PI15: variants seen among roughly 807,000 people sequenced by gnomAD.
The protein encoded by PI15 is peptidase inhibitor 15, also known as 25 kDa trypsin inhibitor.
A neutral mutation model predicts 31.0 loss-of-function variants in PI15; 18 were observed. That is an observed-to-expected ratio of 0.58 (90% CI 0.40 to 0.86). The LOEUF (loss-of-function observed/expected upper bound fraction) is 0.86, where lower values mean the gene tolerates loss of function less well. Among genes scored for constraint, PI15 ranks in the 40% least tolerant of loss-of-function variants. The pLI is 0.00. For synonymous variants in PI15, 118 were observed against 119.1 expected, an observed-to-expected ratio of 0.99 and a Z score of 0.06; for missense variants, 282 against 328.1, an observed-to-expected ratio of 0.86 and a Z score of 1.09.
intron 2 of PI15, among the ~76,000 whole-genome samples, chr8:74,839,352 T>C (rs773940494): frequency 6.6e-6 from 1 of 152,102 alleles, no homozygotes; most frequent in Non-Finnish European, 1.5e-5. Flanking sequence ...TGGCTCTTAA[T>C]AAAAAAGAAT....
intron 2 of PI15, among the ~76,000 whole-genome samples, chr8:74,840,404 C>G (rs1385764222): frequency 6.6e-6 from 1 of 152,114 alleles, no homozygotes; most frequent in Non-Finnish European, 1.5e-5. Context: ...TAAATAAAGT[C>G]ATCATTGCTT....
At position 74,849,780 on chromosome 8, in the gene PI15, T is replaced by G. The variant is rs1292943166; in HGVS notation, c.*527T>G. On this transcript the variant is annotated 3_prime_UTR_variant, in exon 6 of 6. Transcript: ENST00000260113. ...ACACATTTCTATAATACCCATGAAATGATAATTTGTAAAATAACACTTAGT... is the reference window on the plus strand; with the variant it reads ...ACACATTTCTATAATACCCATGAAAGGATAATTTGTAAAATAACACTTAGT... The G allele has an allele frequency of 2.0e-5, 3 of 152,178 alleles. No individual in the cohort carries two copies. Among genetic ancestry groups the G allele is most frequent in the Admixed American group, 6.6e-5 (1 of 15,264 alleles). The allele number at this position is 152,178 out of a possible 1,614,324, so 9.4% of individuals were successfully genotyped here.
At chr8:74,833,869 G>A (rs1271135690) in intron 2 of PI15, among the ~76,000 whole-genome samples, 1 of 152,222 alleles carries the variant, frequency 6.6e-6, no homozygotes, top group Non-Finnish European at 1.5e-5. Context: ...CCAGGCTGCA[G>A]ACCAGTGCCC....
intron 3 of PI15, 112 bp downstream of exon 3, chr8:74,844,211 C>T (rs189359780): frequency 9.8e-6 from 7 of 716,632 alleles, no homozygotes; most frequent in East Asian, 2.5e-5. Context: ...ATTGAATGCT[C>T]ACTATGTGTC....
intron 2 of PI15, among the ~76,000 whole-genome samples, chr8:74,829,606 T>C (rs1327564119): frequency 1.3e-5 from 2 of 151,996 alleles, no homozygotes; most frequent in Non-Finnish European, 2.9e-5. Context: ...GAGAAAGAGA[T>C]CCAAAGAAAA....
chr8:74,838,776 C>T (rs1227862595), intron 2 of PI15, among the ~76,000 whole-genome samples: 1 of 152,152 alleles, frequency 6.6e-6, no homozygotes, highest in Admixed American at 6.6e-5. Flanking sequence ...TCAATTCAAT[C>T]AAGTTTAGGA....
chr8:74,834,817 CA>C (rs1484277038), intron 2 of PI15, among the ~76,000 whole-genome samples: 1 of 152,132 alleles, frequency 6.6e-6, no homozygotes, highest in African/African-American at 2.4e-5. Context: ...AATTACTCTC[CA>C]ATTGCTCTAC....
At chr8:74,845,334 T>C (rs758826542) in intron 4 of PI15, 48 bp from the exon 5 acceptor site, 16 of 1,583,834 alleles carry the variant, frequency 1.0e-5, no homozygotes, top group African/African-American at 1.3e-5. Flanking sequence ...TGGACATGCA[T>C]TGTCTTAGCT....
chr8:74,849,028 C>T, intron 5 of PI15, 90 bp from the exon 6 acceptor site: 1 of 1,079,402 alleles, frequency 9.3e-7, no homozygotes, highest in Non-Finnish European at 1.4e-6. Context: ...CATCACATGT[C>T]AATACTTGTG....
At chr8:74,847,433 G>A (rs1420782529) in intron 5 of PI15, among the ~76,000 whole-genome samples, 3 of 140,680 alleles carry the variant, frequency 2.1e-5, no homozygotes, top group African/African-American at 5.4e-5. Context: ...CAACAAGAGC[G>A]AAACTCTGTC....
chr8:74,849,138 C>T lies in PI15; in HGVS notation c.662C>T (p.Ala221Val). The T allele has an allele frequency of 6.2e-7, 1 of 1,612,762 alleles. No individual in the cohort carries two copies. ...YAPKGNWIGEAPYKVGVPCSS... is the reference protein window; with the variant it reads ...YAPKGNWIGEVPYKVGVPCSS... ...TCTAGGGGCAATTGGATTGGAGAAG[C>T]ACCATATAAAGTAGGGGTACCATGT... Residue 221 changes from alanine to valine, a missense_variant, in exon 6 of 6, where the codon GCA (alanine) becomes GTA (valine). Physicochemically the swap from Ala to Val is moderately conservative, Grantham distance 64. Coordinates refer to ENST00000260113, the MANE Select transcript of PI15 (RefSeq NM_015886.5).
In PI15 at chr8:74,853,434, C is replaced by T. The variant is rs967227786; in HGVS notation, c.*4181C>T. On this transcript the variant is annotated 3_prime_UTR_variant, in exon 6 of 6. Transcript: ENST00000260113. ...AGTTAACTCTGTTGTTTTAATTCAA[C>T]AGTCCAACATTATTTAGGTGTTACA... The T allele has an allele frequency of 6.6e-6, 1 of 152,542 alleles. No individual in the cohort carries two copies. Among genetic ancestry groups the T allele is most frequent in the Admixed American group, 6.5e-5 (1 of 15,272 alleles). 9.4% of individuals were successfully genotyped at this position (152,542 alleles called of 1,614,324 possible).
At chr8:74,833,531 A>T (rs756600745) in intron 2 of PI15, among the ~76,000 whole-genome samples, 3 of 152,038 alleles carry the variant, frequency 2.0e-5, no homozygotes, top group Non-Finnish European at 4.4e-5. Context: ...CGGCTGCCAG[A>T]TAATGTGATC....
At position 74,825,501 on chromosome 8, in the gene PI15, G is replaced by A. The variant is rs554075984; in HGVS notation, c.252G>A (p.Pro84=). 13 of 1,612,182 alleles carry A rather than the reference G, an allele frequency of 8.1e-6. No individual in the cohort carries two copies. The highest frequency in any genetic ancestry group is 2.2e-5 in the South Asian group (2 of 91,004). The part of the protein sequence containing the change: ...HNQVRGKVFP[P]AANMEYMVWD... Reference sequence around the variant, plus strand: ...AAGTTCGGGGCAAAGTGTTCCCACCGGCAGCAAATATGGAATATATGGTAA... The same window carrying A: ...AAGTTCGGGGCAAAGTGTTCCCACCAGCAGCAAATATGGAATATATGGTAA... The change falls in exon 2 of 6, where the codon CCG becomes CCA. Residue 84 remains proline (P), a synonymous_variant. Coordinates refer to ENST00000260113, the MANE Select transcript of PI15 (RefSeq NM_015886.5).
At chr8:74,845,291 T>C in intron 4 of PI15, 31 bp downstream of exon 4, 7 of 1,607,758 alleles carry the variant, frequency 4.4e-6, no homozygotes, top group Non-Finnish European at 5.1e-6. Flanking sequence ...AATTTTTGAT[T>C]CATACTTTTA....
chr8:74,848,061 T>C (rs942421230), intron 5 of PI15, among the ~76,000 whole-genome samples: 1 of 152,212 alleles, frequency 6.6e-6, no homozygotes, highest in Admixed American at 6.5e-5. Context: ...TCATGGCAGT[T>C]TTTAACTCTG....
intron 2 of PI15, among the ~76,000 whole-genome samples, chr8:74,840,854 G>T (rs914640657): frequency 3.3e-5 from 5 of 152,084 alleles, no homozygotes; most frequent in African/African-American, 1.2e-4. Context: ...CTCCTTCCCT[G>T]TAACTACCTT....
At position 74,850,432 on chromosome 8, in the gene PI15, G is replaced by T. The variant is rs1168823793; in HGVS notation, c.*1179G>T. The T allele has an allele frequency of 2.6e-5, 4 of 152,138 alleles. No homozygotes were observed. The highest frequency in any genetic ancestry group is 9.7e-5 in the African/African-American group (4 of 41,430). The allele number at this position is 152,138 out of a possible 1,614,324, so 9.4% of individuals were successfully genotyped here. On this transcript the variant is annotated 3_prime_UTR_variant, in exon 6 of 6. Transcript: ENST00000260113. The stretch of plus-strand genomic sequence containing the variant: ...ATCCTTAGAGTCTAGTACATCTTGA[G>T]GCCTCTCAGCAGGAGACAAAGGATT...
chr8:74,835,914 T>C (rs1482640622), intron 2 of PI15, among the ~76,000 whole-genome samples: 5 of 152,214 alleles, frequency 3.3e-5, no homozygotes, highest in Non-Finnish European at 7.3e-5. Context: ...TAAGGCTGTA[T>C]TGAGCACACC....
Sources: gnomAD v4.1 joint callset for allele counts (sites outside exome capture counted in the v4.1 genomes callset) on GRCh38, gnomAD v4.1.1 for gene constraint, MANE v1.5 for transcripts, NCBI Gene and HGNC (gene_info 2026-07-23, HGNC 2026-07-21) for gene names.